DNAH9: variants seen among roughly 807,000 people sequenced by gnomAD.
The protein encoded by DNAH9 is DNAH9 variant protein.
DNAH9 carries 345 observed loss-of-function variants against 471.6 expected under a neutral mutation model. That is an observed-to-expected ratio of 0.73 (90% CI 0.67 to 0.80). The LOEUF (loss-of-function observed/expected upper bound fraction) is 0.80. Among genes scored for constraint, DNAH9 ranks in the 30% least tolerant of loss-of-function variants. The pLI, the probability that DNAH9 is intolerant of heterozygous loss-of-function variation, is 0.00. For synonymous variants in DNAH9, 2,093 were observed against 2,123.6 expected, an observed-to-expected ratio of 0.99 and a Z score of 0.40; for missense variants, 5,407 against 5,609.2, an observed-to-expected ratio of 0.96 and a Z score of 1.15.
rs760819809 is a variant in DNAH9, at chr17:11,822,957, A to G, written c.9169A>G (p.Arg3057Gly). The G allele has an allele frequency of 5.6e-6, 9 of 1,614,176 alleles. No individual in the cohort carries two copies. Among genetic ancestry groups the G allele is most frequent in the Non-Finnish European group, 7.6e-6 (9 of 1,180,010 alleles). The change falls in exon 48 of 69, where the codon AGG becomes GGG. Residue 3057 changes from arginine (R) to glycine (G), a missense_variant. Around this residue, in one of 3 missense-constraint regions of DNAH9, gnomAD observed 4,636 missense variants for 4,900.3 expected, o/e 0.95. Transcript: ENST00000262442. ...FIRLYQSLLH[R>G]HRKELKCKTE... Reference sequence around the variant, plus strand: ...CAGACTCTACCAGAGCTTGTTGCACAGGCACAGAAAAGAGCTCAAGTGCAA... The same window carrying G: ...CAGACTCTACCAGAGCTTGTTGCACGGGCACAGAAAAGAGCTCAAGTGCAA...
At position 11,662,747 on chromosome 17, in the gene DNAH9, C is replaced by CTTTT. The variant is rs71142226; in HGVS notation, c.2596-2063_2596-2060dup. Among the ~76,000 whole-genome samples, 58 of 45,466 alleles carry CTTTT rather than the reference C, an allele frequency of 1.3e-3. 20 individuals carry two copies. Among genetic ancestry groups the CTTTT allele is most frequent in the Non-Finnish European group, 1.8e-3 (47 of 26,124 alleles). The allele number at this position is 45,466 out of a possible 152,430, so 29.8% of individuals were successfully genotyped here. The stretch of plus-strand genomic sequence containing the variant: ...ATCACCTTGATCCTGTTGAGGCTCG[C>CTTTT]TTTTTTTTTTTTTTTTTTTTTTTTT... On this transcript the variant is annotated intron_variant, in intron 14 of 68. Transcript: ENST00000262442.
In DNAH9 at chr17:11,642,934, C is replaced by G. The variant is rs541506379; in HGVS notation, c.1902-1697C>G. 2.0e-4 allele frequency among the ~76,000 whole-genome samples: 31 copies of G among 152,304 alleles called. No homozygotes were observed. The South Asian group carries it at 6.4e-3, about 32-fold the overall frequency. Reference sequence around the variant, plus strand: ...AAAACGCCAGCAAATTCATTGCTTTCTCTGCAGGCGCTAGGGCTTCTGTGG... The same window carrying G: ...AAAACGCCAGCAAATTCATTGCTTTGTCTGCAGGCGCTAGGGCTTCTGTGG... On this transcript the variant is annotated intron_variant, in intron 10 of 68. Coordinates refer to ENST00000262442, the MANE Select transcript of DNAH9 (RefSeq NM_001372.4).
At chr17:11,788,076 CAT>C (rs1968933779) in intron 41 of DNAH9, among the ~76,000 whole-genome samples, 1 of 152,178 alleles carries the variant, frequency 6.6e-6, no homozygotes, top group African/African-American at 2.4e-5. Context: ...GCAGAGTTGG[CAT>C]ATGACATGCT....
intron 42 of DNAH9, 26 bp downstream of exon 42, chr17:11,793,690 T>C (rs775312560): frequency 3.1e-5 from 48 of 1,545,200 alleles, no homozygotes; most frequent in Non-Finnish European, 3.9e-5. Context: ...TGGATTTTCT[T>C]TGTATTTGAA....
chr17:11,712,261 AGTTG>A (rs746777887), intron 26 of DNAH9, among the ~76,000 whole-genome samples: 3 of 149,572 alleles, frequency 2.0e-5, no homozygotes, highest in Non-Finnish European at 4.4e-5. Flanking sequence ...ATGTGTCTGT[AGTTG>A]GTTATTTTTT....
chr17:11,944,872 G>GA (rs1426673383), intron 67 of DNAH9, among the ~76,000 whole-genome samples: 1 of 152,160 alleles, frequency 6.6e-6, no homozygotes, highest in Admixed American at 6.5e-5. Flanking sequence ...AGAGGCAAAA[G>GA]AAAAAAGTTA....
chr17:11,961,293 C>A (rs1976155004), intron 67 of DNAH9, among the ~76,000 whole-genome samples: 1 of 151,964 alleles, frequency 6.6e-6, no homozygotes, highest in Non-Finnish European at 1.5e-5. Context: ...CCAGCCTGGG[C>A]AATAGAGTGA....
Position 11,619,637 on chromosome 17 carries a change from C to CT in DNAH9, c.1208dup (p.Phe404LeufsTer81). On this transcript the variant is annotated frameshift_variant, in exon 6 of 69. Transcript: ENST00000262442. LOFTEE classifies it high-confidence loss of function. ...TGCAAGTGGTCTCAGACACTTTGAG[C>CT]TTCTTCAAGCAAGAGTTTCAGGACA... 1 of 1,614,022 alleles carries CT rather than the reference C, an allele frequency of 6.2e-7. No homozygotes were observed. The highest frequency in any genetic ancestry group is 8.5e-7 in the Non-Finnish European group (1 of 1,179,866).
intron 10 of DNAH9, among the ~76,000 whole-genome samples, chr17:11,642,371 C>T (rs2073290954): frequency 6.6e-6 from 1 of 151,776 alleles, no homozygotes; most frequent in Non-Finnish European, 1.5e-5. Flanking sequence ...AAACCCATCT[C>T]TACTAAAAAT....
Position 11,755,687 on chromosome 17 carries a change from T to C in DNAH9, c.6739-881T>C, listed in dbSNP as rs927843875. Among the ~76,000 whole-genome samples the C allele has an allele frequency of 1.6e-4, 24 of 148,618 alleles. 1 individual carries two copies. In the South Asian group the frequency reaches 2.3e-3, roughly 15 times the overall value. ...CTTTTTTTTTCTGACTCAACACACA[T>C]ACACACACACACACACACACACAGG... On this transcript the variant is annotated intron_variant, in intron 33 of 68. Coordinates refer to ENST00000262442, the MANE Select transcript of DNAH9 (RefSeq NM_001372.4).
intron 41 of DNAH9, among the ~76,000 whole-genome samples, chr17:11,791,432 A>G (rs1019477012): frequency 6.6e-6 from 1 of 152,322 alleles, no homozygotes. Flanking sequence ...TAATTTGACA[A>G]CGGGTGAGGT....
intron 14 of DNAH9, among the ~76,000 whole-genome samples, chr17:11,664,243 T>C (rs1375160915): frequency 6.0e-5 from 9 of 151,196 alleles, no homozygotes. Flanking sequence ...GAGTGTATCA[T>C]GTAAAAGAGA....
At chr17:11,845,139 A>G (rs932389232) in intron 49 of DNAH9, among the ~76,000 whole-genome samples, 13 of 150,514 alleles carry the variant, frequency 8.6e-5, no homozygotes, top group South Asian at 4.2e-4. Context: ...ATACCTCCCA[A>G]TGCTATTCCT....
chr17:11,692,097 A>C (rs571935961), intron 20 of DNAH9, among the ~76,000 whole-genome samples: 1 of 152,090 alleles, frequency 6.6e-6, no homozygotes, highest in Non-Finnish European at 1.5e-5. Context: ...CACTGTGCCC[A>C]GCCTACCCTC....
chr17:11,705,214 C>T (rs1303437635), intron 26 of DNAH9, 29 bp downstream of exon 26: 1 of 1,604,364 alleles, frequency 6.2e-7, no homozygotes, highest in African/African-American at 1.3e-5. Context: ...CACTGACAGC[C>T]TTACTGCTGT....
intron 7 of DNAH9, among the ~76,000 whole-genome samples, chr17:11,631,658 G>C (rs2073070150): frequency 1.4e-5 from 2 of 147,166 alleles, no homozygotes; most frequent in Non-Finnish European, 3.0e-5. Context: ...AAAAAAAGCA[G>C]ACCACAAAGC....
At chr17:11,754,272 G>A (rs1206917672) in intron 33 of DNAH9, among the ~76,000 whole-genome samples, 2 of 152,154 alleles carry the variant, frequency 1.3e-5, no homozygotes, top group African/African-American at 4.8e-5. Flanking sequence ...ATTGTGAAGA[G>A]TGTGGCAATA....
At chr17:11,924,608 TACTA>T (rs1420462260) in intron 62 of DNAH9, among the ~76,000 whole-genome samples, 3 of 149,336 alleles carry the variant, frequency 2.0e-5, no homozygotes, top group African/African-American at 2.4e-5. Flanking sequence ...CAACAATTAC[TACTA>T]ACTCTTTTTT....
Position 11,722,390 on chromosome 17 carries a change from A to G in DNAH9, c.5709+2900A>G, listed in dbSNP as rs574005539. 2.0e-5 allele frequency among the ~76,000 whole-genome samples: 3 copies of G among 152,302 alleles called. No homozygotes were observed. In the South Asian group the frequency reaches 6.2e-4, roughly 32 times the overall value. ...TGGAAGTCAGACGAAATGAGAAAGGAAGAGACTGGAAGCAGGAATAGGTTT... is the reference window on the plus strand; with the variant it reads ...TGGAAGTCAGACGAAATGAGAAAGGGAGAGACTGGAAGCAGGAATAGGTTT... On this transcript the variant is annotated intron_variant, in intron 27 of 68. Transcript: ENST00000262442.
Sources: allele counts gnomAD v4.1 joint callset (sites outside exome capture counted in the v4.1 genomes callset), GRCh38; gene constraint gnomAD v4.1.1; regional missense constraint gnomAD v4.1.1; transcripts MANE v1.5; gene names NCBI Gene and HGNC (gene_info 2026-07-23, HGNC 2026-07-21).